The following PLCB1 variants were observed in gnomAD, a reference collection of about 807,000 sequenced individuals.
PLCB1 encodes phospholipase C beta 1.
Under a neutral mutation model 161.8 loss-of-function variants are expected in PLCB1, and 46 were observed. That is an observed-to-expected ratio of 0.28 (90% CI 0.22 to 0.36). The LOEUF (loss-of-function observed/expected upper bound fraction) is 0.36. PLCB1 is among the 10% of genes least tolerant of loss of function. The pLI is 1.00. For missense variants in PLCB1, 1,016 were observed against 1,472.5 expected, an observed-to-expected ratio of 0.69 and a Z score of 5.07; for synonymous variants, 517 against 503.7, an observed-to-expected ratio of 1.03 and a Z score of -0.35.
chr20:8,856,586 C>T (rs1237196690), intron 31 of PLCB1, among the ~76,000 whole-genome samples: 2 of 152,140 alleles, frequency 1.3e-5, no homozygotes, highest in Admixed American at 6.6e-5. Context: ...CACTGCACTC[C>T]AGCCTGGGCA....
At chr20:8,136,397 C>T (rs1336900989) in intron 1 of PLCB1, among the ~76,000 whole-genome samples, 4 of 152,108 alleles carry the variant, frequency 2.6e-5, no homozygotes, top group East Asian at 1.9e-4. Flanking sequence ...GAAGCCGAGG[C>T]GGGCAGATCA....
chr20:8,259,739 C>A (rs180993955), intron 2 of PLCB1, among the ~76,000 whole-genome samples: 1 of 152,158 alleles, frequency 6.6e-6, no homozygotes, highest in East Asian at 1.9e-4. Context: ...CTGCTTAAAT[C>A]CAAAATATGC....
chr20:8,276,473 C>T (rs188981907), intron 2 of PLCB1, among the ~76,000 whole-genome samples: 1 of 152,264 alleles, frequency 6.6e-6, no homozygotes. Context: ...ACTTGATAAG[C>T]ACTTAATACA....
intron 4 of PLCB1, among the ~76,000 whole-genome samples, chr20:8,636,609 A>G (rs1988769854): frequency 6.6e-6 from 1 of 152,174 alleles, no homozygotes. Context: ...CCTTACACAC[A>G]CAGAAGCAGC....
chr20:8,697,633 A>G lies in PLCB1; in HGVS notation c.1017A>G (p.Gln339=), dbSNP rs1406629408. The G allele has an allele frequency of 1.2e-6, 2 of 1,614,030 alleles. No homozygotes were observed. The highest frequency in any genetic ancestry group is 1.1e-5 in the South Asian group (1 of 91,058). The change falls in exon 11 of 32, where the codon CAA becomes CAG. Residue 339 remains glutamine (Q), a synonymous_variant. Transcript: ENST00000338037. ...TTTGTTGGTGTTTTATAGCTGGCCAACTGGCTGGAAACTCCTCTGTTGAGA... is the reference window on the plus strand; with the variant it reads ...TTTGTTGGTGTTTTATAGCTGGCCAGCTGGCTGGAAACTCCTCTGTTGAGA... ...SSHNTYLTAG[Q]LAGNSSVEMY... is the part of the protein sequence containing the mutation.
chr20:8,874,741 T>C (rs1309121405), intron 31 of PLCB1, among the ~76,000 whole-genome samples: 6 of 152,084 alleles, frequency 3.9e-5, no homozygotes, highest in Non-Finnish European at 1.5e-5. Context: ...TTTGTTTTAT[T>C]TTTTGGTTGC....
At chr20:8,691,021 T>C (rs1990466021) in intron 10 of PLCB1, among the ~76,000 whole-genome samples, 1 of 152,144 alleles carries the variant, frequency 6.6e-6, no homozygotes. Context: ...TTCCATATAA[T>C]TAGAAACAAA....
intron 2 of PLCB1, among the ~76,000 whole-genome samples, chr20:8,172,480 G>T (rs1175952400): frequency 6.6e-6 from 1 of 152,200 alleles, no homozygotes; most frequent in Non-Finnish European, 1.5e-5. Context: ...AGTAAATGGG[G>T]ATTGGGATCA....
At chr20:8,588,387 T>C (rs994013774) in intron 3 of PLCB1, among the ~76,000 whole-genome samples, 4 of 152,174 alleles carry the variant, frequency 2.6e-5, no homozygotes, top group African/African-American at 9.7e-5. Context: ...GGATTCATAT[T>C]TTATTACTTA....
At position 8,149,318 on chromosome 20, in the gene PLCB1, A is replaced by G. The variant is rs527704154; in HGVS notation, c.100-976A>G. Among the ~76,000 whole-genome samples the G allele has an allele frequency of 3.3e-5, 5 of 152,278 alleles. No homozygotes were observed. The East Asian group carries it at 9.7e-4, about 29-fold the overall frequency. On this transcript the variant is annotated intron_variant, in intron 1 of 31. Coordinates refer to ENST00000338037, the MANE Select transcript of PLCB1 (RefSeq NM_015192.4). The stretch of plus-strand genomic sequence containing the variant: ...ATGCACTGAGATGGGACAGGCAGGA[A>G]TTTGAACCCAGAGAACATTTTCCAG...
intron 9 of PLCB1, among the ~76,000 whole-genome samples, chr20:8,669,251 G>A (rs1208212087): frequency 1.3e-5 from 2 of 152,210 alleles, no homozygotes; most frequent in African/African-American, 4.8e-5. Context: ...GAAAAGGAAA[G>A]TTTTGTTTAT....
intron 25 of PLCB1, among the ~76,000 whole-genome samples, chr20:8,764,549 G>A (rs575543719): frequency 6.6e-6 from 1 of 152,208 alleles, no homozygotes; most frequent in Non-Finnish European, 1.5e-5. Flanking sequence ...CTCCTGGCTG[G>A]TGGTGAGGGT....
intron 11 of PLCB1, among the ~76,000 whole-genome samples, chr20:8,706,489 G>T (rs561183838): frequency 6.6e-6 from 1 of 152,212 alleles, no homozygotes; most frequent in African/African-American, 2.4e-5. Context: ...GAATTGAAAG[G>T]TGTGAGAGAA....
intron 3 of PLCB1, among the ~76,000 whole-genome samples, chr20:8,477,473 A>G (rs778252146): frequency 3.5e-4 from 53 of 152,336 alleles, no homozygotes; most frequent in Admixed American, 5.9e-4. Context: ...CCAAAAATGT[A>G]TCAACTTCCA....
In PLCB1 at chr20:8,451,697, T is replaced by G. The variant is rs1007482015; in HGVS notation, c.246+80247T>G. ...TATTTTAAACCTCTTATGAGCTGTTTCCTTCCTTCATCCCTTCGTTTCCTC... is the reference window on the plus strand; with the variant it reads ...TATTTTAAACCTCTTATGAGCTGTTGCCTTCCTTCATCCCTTCGTTTCCTC... On this transcript the variant is annotated intron_variant, in intron 3 of 31. Transcript: ENST00000338037. 2.0e-5 allele frequency among the ~76,000 whole-genome samples: 3 copies of G among 152,088 alleles called. No individual in the cohort carries two copies. In the East Asian group the frequency reaches 5.8e-4, roughly 29 times the overall value.
chr20:8,776,994 C>T (rs1982974928), intron 27 of PLCB1, among the ~76,000 whole-genome samples: 1 of 152,106 alleles, frequency 6.6e-6, no homozygotes, highest in African/African-American at 2.4e-5. Context: ...GAAGAACTGA[C>T]AACAGCCAAC....
intron 2 of PLCB1, among the ~76,000 whole-genome samples, chr20:8,168,098 G>A (rs1270545362): frequency 6.6e-6 from 1 of 152,188 alleles, no homozygotes; most frequent in Non-Finnish European, 1.5e-5. Context: ...CAGGGTGGAA[G>A]CTGCAAAGCC....
intron 2 of PLCB1, among the ~76,000 whole-genome samples, chr20:8,304,953 G>A (rs1169862629): frequency 6.6e-6 from 1 of 152,166 alleles, no homozygotes; most frequent in African/African-American, 2.4e-5. Flanking sequence ...GGAGACAAGA[G>A]CCATTGCTAG....
intron 3 of PLCB1, 197 bp downstream of exon 3, chr20:8,371,647 G>C (rs1463007320): frequency 4.8e-6 from 2 of 419,530 alleles, no homozygotes; most frequent in African/African-American, 2.0e-5. Context: ...TGGACAGAGG[G>C]GCTTGCTTTA....
Sources: allele counts gnomAD v4.1 joint callset (sites outside exome capture counted in the v4.1 genomes callset), GRCh38; gene constraint gnomAD v4.1.1; transcripts MANE v1.5; gene names NCBI Gene and HGNC (gene_info 2026-07-23, HGNC 2026-07-21).